Variants in NKAIN2 observed in about 807,000 individuals in gnomAD.
NKAIN2 encodes sodium/potassium-transporting ATPase subunit beta-1-interacting protein 2.
A neutral mutation model predicts 32.6 loss-of-function variants in NKAIN2; 14 were observed. The observed-to-expected ratio is 0.43, with a 90% CI of 0.28 to 0.67. The LOEUF is 0.67. NKAIN2 is among the 30% of genes least tolerant of loss of function. The probability of loss-of-function intolerance (pLI) is 0.17; values close to 1 mark genes in which losing one functional copy is unlikely to be tolerated. For missense variants in NKAIN2, 198 were observed against 258.3 expected, an observed-to-expected ratio of 0.77 and a Z score of 1.60; for synonymous variants, 80 against 87.2, an observed-to-expected ratio of 0.92 and a Z score of 0.46.
intron 5 of NKAIN2, among the ~76,000 whole-genome samples, chr6:124,809,831 A>G (rs1183623199): frequency 6.6e-6 from 1 of 152,198 alleles, no homozygotes; most frequent in East Asian, 1.9e-4. Context: ...AAGGACATGA[A>G]CAAACACTTC....
chr6:124,298,106 A>G (rs886308202), intron 2 of NKAIN2, among the ~76,000 whole-genome samples: 6 of 152,174 alleles, frequency 3.9e-5, no homozygotes, highest in Non-Finnish European at 7.3e-5. Context: ...ATCCTTGGCC[A>G]TGTTTTACTG....
intron 3 of NKAIN2, among the ~76,000 whole-genome samples, chr6:124,430,860 G>A (rs576736554): frequency 1.4e-4 from 21 of 152,180 alleles, no homozygotes; most frequent in African/African-American, 4.3e-4. Flanking sequence ...AGAGCAACAC[G>A]TGCACACACG....
chr6:123,821,944 T>G (rs1773940736), intron 1 of NKAIN2, among the ~76,000 whole-genome samples: 1 of 127,420 alleles, frequency 7.8e-6, no homozygotes, highest in Admixed American at 7.3e-5. Flanking sequence ...ATTTGAACAC[T>G]TTTTCTTTTC....
At chr6:123,998,727 G>GTT (rs1779742143) in intron 1 of NKAIN2, among the ~76,000 whole-genome samples, 1 of 123,206 alleles carries the variant, frequency 8.1e-6, no homozygotes, top group African/African-American at 3.2e-5. Flanking sequence ...AGAAATTGTT[G>GTT]TTTCTCTCTC....
chr6:124,602,993 G>A (rs1191598101), intron 3 of NKAIN2, among the ~76,000 whole-genome samples: 1 of 151,842 alleles, frequency 6.6e-6, no homozygotes, highest in Non-Finnish European at 1.5e-5. Context: ...AAAAAACACA[G>A]TCATAAGAGC....
intron 4 of NKAIN2, among the ~76,000 whole-genome samples, chr6:124,734,959 C>T (rs891019302): frequency 6.6e-6 from 1 of 151,808 alleles, no homozygotes; most frequent in Non-Finnish European, 1.5e-5. Context: ...TTCCTTCATC[C>T]TTATTCTTCT....
chr6:124,156,045 G>A (rs1007648098), intron 1 of NKAIN2, among the ~76,000 whole-genome samples: 1 of 152,032 alleles, frequency 6.6e-6, no homozygotes, highest in Non-Finnish European at 1.5e-5. Flanking sequence ...GTGAAGGGAG[G>A]TAGAGTTGCT....
intron 1 of NKAIN2, among the ~76,000 whole-genome samples, chr6:124,230,910 G>T (rs1481984386): frequency 6.6e-6 from 1 of 152,218 alleles, no homozygotes; most frequent in Admixed American, 6.5e-5. Flanking sequence ...CCTCCTAGTG[G>T]AGCTGTGAGA....
At chr6:124,078,420 C>G (rs770128641) in intron 1 of NKAIN2, among the ~76,000 whole-genome samples, 1 of 151,976 alleles carries the variant, frequency 6.6e-6, no homozygotes, top group Non-Finnish European at 1.5e-5. Context: ...AATATTAACC[C>G]ATTGACTCTT....
intron 1 of NKAIN2, among the ~76,000 whole-genome samples, chr6:123,888,003 G>A (rs1467062185): frequency 6.6e-6 from 1 of 152,058 alleles, no homozygotes; most frequent in Non-Finnish European, 1.5e-5. Flanking sequence ...ATTGGTAATT[G>A]TGAAGATTAA....
chr6:124,247,700 A>G (rs1467780072), intron 1 of NKAIN2, among the ~76,000 whole-genome samples: 2 of 152,144 alleles, frequency 1.3e-5, no homozygotes, highest in African/African-American at 2.4e-5. Flanking sequence ...AAGATTGCCT[A>G]GACATAGAAT....
intron 4 of NKAIN2, among the ~76,000 whole-genome samples, chr6:124,760,772 A>G (rs1778227722): frequency 6.6e-6 from 1 of 152,188 alleles, no homozygotes; most frequent in Non-Finnish European, 1.5e-5. Flanking sequence ...CACATCTGCA[A>G]TAGCAATGAG....
intron 3 of NKAIN2, among the ~76,000 whole-genome samples, chr6:124,648,664 A>T (rs931213059): frequency 1.3e-5 from 2 of 152,234 alleles, no homozygotes; most frequent in African/African-American, 4.8e-5. Flanking sequence ...CACCTGAAAA[A>T]GAACAAACAA....
intron 1 of NKAIN2, among the ~76,000 whole-genome samples, chr6:124,082,429 T>C (rs1784018146): frequency 6.6e-6 from 1 of 152,198 alleles, no homozygotes; most frequent in African/African-American, 2.4e-5. Context: ...GCAAAAGATA[T>C]GAGAATTGGT....
At chr6:124,322,049 T>C (rs528731077) in intron 2 of NKAIN2, among the ~76,000 whole-genome samples, 1 of 152,274 alleles carries the variant, frequency 6.6e-6, no homozygotes, top group East Asian at 1.9e-4. Flanking sequence ...AGATATCTAA[T>C]GATAAAATAG....
chr6:123,985,463 A>G (rs1049046758), intron 1 of NKAIN2, among the ~76,000 whole-genome samples: 27 of 152,332 alleles, frequency 1.8e-4, no homozygotes, highest in African/African-American at 6.5e-4. Context: ...TATAAAGTTA[A>G]GGAACAAGAT....
At chr6:124,305,971 T>A (rs759974643) in intron 2 of NKAIN2, among the ~76,000 whole-genome samples, 1 of 152,100 alleles carries the variant, frequency 6.6e-6, no homozygotes, top group African/African-American at 2.4e-5. Context: ...ATTTAATTTC[T>A]CCCAATTGTC....
At chr6:124,796,658 T>A (rs1780011675) in intron 5 of NKAIN2, among the ~76,000 whole-genome samples, 1 of 152,172 alleles carries the variant, frequency 6.6e-6, no homozygotes, top group Admixed American at 6.5e-5. Context: ...TGCCTCTAGA[T>A]GAGTAGCTTC....
intron 1 of NKAIN2, among the ~76,000 whole-genome samples, chr6:123,809,687 A>G (rs1312794041): frequency 1.3e-5 from 2 of 152,182 alleles, no homozygotes; most frequent in Non-Finnish European, 2.9e-5. Context: ...AGAAATTACT[A>G]GCTTCATCTT....
Sources: gnomAD v4.1 joint callset for allele counts (sites outside exome capture counted in the v4.1 genomes callset) on GRCh38, gnomAD v4.1.1 for gene constraint, MANE v1.5 for transcripts, NCBI Gene and HGNC (gene_info 2026-07-23, HGNC 2026-07-21) for gene names.